CST1: variants seen among roughly 807,000 people sequenced by gnomAD.
CST1 encodes cystatin SN, also known as cystatin-SN.
A neutral mutation model predicts 10.7 loss-of-function variants in CST1; 19 were observed. The observed-to-expected ratio is 1.78, with a 90% CI of 1.24 to 2.61. CST1 has a LOEUF of 2.61. CST1 is among the 30% of genes most tolerant of loss of function. CST1 has a pLI of 0.00. For synonymous variants in CST1, 95 were observed against 72.8 expected, an observed-to-expected ratio of 1.31 and a Z score of -1.55; for missense variants, 247 against 178.1, an observed-to-expected ratio of 1.39 and a Z score of -2.20.
rs755882372 is a variant in CST1 at position 23,747,862 on chromosome 20, C to T, written c.380G>A (p.Trp127Ter). Residue 127 changes from tryptophan to a stop codon, truncating the protein, a stop_gained, in exon 3 of 3, where the codon TGG becomes TAG. Transcript: ENST00000304749. LOFTEE classifies it low-confidence loss of function (END_TRUNC). ...TTTCACCAGGGACCTTCTGTTCTCC[C>T]AGGGAACTTCGTAGATCTCGAAAGA... ...LCSFEIYEVP[W>*]ENRRSLVKSR... 1 of 1,614,016 alleles carries T rather than the reference C, an allele frequency of 6.2e-7. No individual in the cohort carries two copies. Among genetic ancestry groups the T allele is most frequent in the Non-Finnish European group, 8.5e-7 (1 of 1,179,918 alleles).
rs1266426990 is a variant in CST1 at position 23,747,683 on chromosome 20, C to G, written c.*133G>C. The G allele has an allele frequency of 6.5e-6, 5 of 772,178 alleles. No individual in the cohort carries two copies. The highest frequency in any genetic ancestry group is 2.7e-5 in the East Asian group (1 of 37,446). The allele number at this position is 772,178 out of a possible 1,614,324, so 47.8% of individuals were successfully genotyped here. The stretch of plus-strand genomic sequence containing the variant: ...GCTGAGCAACAAAGGACTCCTGCAG[C>G]CTTCTCTGTCTGTCTCTTGGCGCAG... On this transcript the variant is annotated 3_prime_UTR_variant, in exon 3 of 3. Coordinates refer to ENST00000304749, the MANE Select transcript of CST1 (RefSeq NM_001898.3).
In CST1 at chr20:23,749,280, G is replaced by T. The variant is rs117082322; in HGVS notation, c.229-151C>A. On this transcript the variant is annotated intron_variant, in intron 1 of 2. Transcript: ENST00000304749. ...ACAAGCCCCCTCTTCCTGTCAACTG[G>T]CAGGGTGCTGAGCCTCATACCCGCT... 166 of 790,976 alleles carry T rather than the reference G, an allele frequency of 2.1e-4. No individual in the cohort carries two copies. The East Asian group carries it at 4.1e-3, about 20-fold the overall frequency. The allele number at this position is 790,976 out of a possible 1,614,324, so 49.0% of individuals were successfully genotyped here.
rs781468557 is a variant in CST1, at chr20:23,749,125, A to G, written c.233T>C (p.Val78Ala). The change falls in exon 2 of 3, where the codon GTT becomes GCT. Residue 78 changes from valine to alanine, a missense_variant. Transcript: ENST00000304749. ...LRVLRARQQT[V>A]GGVNYFFDVE... ...GTCGAAGAAGTAATTCACCCCCCCA[A>G]CGGTCTGCACACAGGAGAAAACAGG... 10 of 1,613,586 alleles carry G rather than the reference A, an allele frequency of 6.2e-6. No individual in the cohort carries two copies. Among genetic ancestry groups the G allele is most frequent in the East Asian group, 4.5e-5 (2 of 44,856 alleles).
At chr20:23,748,684 A>G (rs574884246) in intron 2 of CST1, among the ~76,000 whole-genome samples, 3 of 152,242 alleles carry the variant, frequency 2.0e-5, no homozygotes, top group Non-Finnish European at 2.9e-5. Flanking sequence ...ACATACATGG[A>G]CAACTACGTA....
At chr20:23,748,210 A>G (rs4477985) in intron 2 of CST1, among the ~76,000 whole-genome samples, 107,185 of 151,964 alleles carry the variant, frequency 0.71, 38,130 homozygotes, top group East Asian at 0.81. Flanking sequence ...ATGGGGAGGC[A>G]GCTCAGTTCC....
chr20:23,748,216 G>A (rs1417322356), intron 2 of CST1, among the ~76,000 whole-genome samples: 2 of 152,060 alleles, frequency 1.3e-5, no homozygotes, highest in East Asian at 3.9e-4. Flanking sequence ...AGGCAGCTCA[G>A]TTCCCCCAGC....
intron 1 of CST1, among the ~76,000 whole-genome samples, chr20:23,749,374 G>A (rs527236830): frequency 2.0e-5 from 3 of 152,184 alleles, no homozygotes; most frequent in Non-Finnish European, 2.9e-5. Flanking sequence ...GCTCAGGGGC[G>A]AGGGAACACT....
At position 23,750,840 on chromosome 20, in the gene CST1, C is replaced by G. The variant is rs144543419; in HGVS notation, c.27G>C (p.Leu9=). 6.2e-7 allele frequency: 1 copy of G among 1,612,986 alleles called. No individual in the cohort carries two copies. The highest frequency in any genetic ancestry group is 8.5e-7 in the Non-Finnish European group (1 of 1,179,472). MAQYLSTL[L]LLLATLAVAL... ...CCACAGCTAGGGTGGCCAGCAGGAG[C>G]AGCAGGGTACTCAGATACTGGGCCA... is the stretch of plus-strand genomic sequence containing the variant. The change falls in exon 1 of 3, where the codon CTG becomes CTC. Residue 9 remains leucine (L), a synonymous_variant. Transcript: ENST00000304749.
At chr20:23,749,150 G>A (rs375967648) in intron 1 of CST1, 21 bp from the exon 2 acceptor site, 28 of 1,613,492 alleles carry the variant, frequency 1.7e-5, no homozygotes, top group Admixed American at 1.2e-4. Context: ...GAGAAAACAG[G>A]ACAGCGCCCC....
At chr20:23,748,745 A>AC (rs533911737) in intron 2 of CST1, among the ~76,000 whole-genome samples, 2 of 148,690 alleles carry the variant, frequency 1.3e-5, no homozygotes, top group African/African-American at 5.0e-5. Flanking sequence ...AGCCCCATAC[A>AC]CCCCCCACAC....
chr20:23,747,821 A>T lies in CST1; in HGVS notation c.421T>A (p.Ser141Thr). The change falls in exon 3 of 3, where the codon TCC becomes ACC. Residue 141 changes from serine to threonine, a missense_variant. Transcript: ENST00000304749. The stretch of plus-strand genomic sequence containing the variant: ...GAATGGCCTGGCACAGATCCCTAGG[A>T]TTCTTGACACCTGGATTTCACCAGG... ...RSLVKSRCQE[S>T] 1.2e-6 allele frequency: 2 copies of T among 1,613,830 alleles called. No individual in the cohort carries two copies. The highest frequency in any genetic ancestry group is 1.7e-6 in the Non-Finnish European group (2 of 1,179,772).
At chr20:23,748,120 C>T (rs963510535) in intron 2 of CST1, among the ~76,000 whole-genome samples, 8 of 152,110 alleles carry the variant, frequency 5.3e-5, no homozygotes, top group Non-Finnish European at 1.0e-4. Flanking sequence ...GACCCCACCC[C>T]AGCCTGCAGT....
At chr20:23,750,518 C>A (rs1271052794) in intron 1 of CST1, 121 bp downstream of exon 1, 5 of 937,628 alleles carry the variant, frequency 5.3e-6, no homozygotes, top group Non-Finnish European at 8.2e-6. Flanking sequence ...CCAGGGAAAG[C>A]TGAATGAATC....
intron 2 of CST1, among the ~76,000 whole-genome samples, chr20:23,748,300 C>T (rs1982725663): frequency 1.3e-5 from 2 of 152,112 alleles, no homozygotes; most frequent in Admixed American, 6.5e-5. Context: ...GCAACTCCCC[C>T]TCAAAGAGCT....
Position 23,748,750 on chromosome 20 carries a change from C to T in CST1, c.342+266G>A, listed in dbSNP as rs532326131. Reference sequence around the variant, plus strand: ...CTATGTACAAAGCCCCATACACCCCCCACACATCCATGCACAGGCACACAT... The same window carrying T: ...CTATGTACAAAGCCCCATACACCCCTCACACATCCATGCACAGGCACACAT... On this transcript the variant is annotated intron_variant, in intron 2 of 2. Coordinates refer to ENST00000304749, the MANE Select transcript of CST1 (RefSeq NM_001898.3). 2.6e-5 allele frequency among the ~76,000 whole-genome samples: 4 copies of T among 152,238 alleles called. No homozygotes were observed. The East Asian group carries it at 7.8e-4, about 30-fold the overall frequency.
At chr20:23,749,159 C>T (rs1019514872) in intron 1 of CST1, 30 bp from the exon 2 acceptor site, 1 of 1,610,346 alleles carries the variant, frequency 6.2e-7, no homozygotes, top group South Asian at 1.1e-5. Flanking sequence ...GGACAGCGCC[C>T]CCATCAGTTC....
chr20:23,748,965 C>T lies in CST1; in HGVS notation c.342+51G>A, dbSNP rs372192719. 8.4e-5 allele frequency: 134 copies of T among 1,599,780 alleles called. 1 individual carries two copies. The African/African-American group carries it at 1.4e-3, about 17-fold the overall frequency. On this transcript the variant is annotated intron_variant, in intron 2 of 2. Transcript: ENST00000304749. ...TGTGTAGGGCAGAGGCTGACACATACGCACCCCTCTGCAGTGCATGACTGG... is the reference window on the plus strand; with the variant it reads ...TGTGTAGGGCAGAGGCTGACACATATGCACCCCTCTGCAGTGCATGACTGG...
At chr20:23,748,110 G>A (rs1982718382) in intron 2 of CST1, among the ~76,000 whole-genome samples, 1 of 152,062 alleles carries the variant, frequency 6.6e-6, no homozygotes, top group African/African-American at 2.4e-5. Context: ...GTGGCATTGG[G>A]ACCCCACCCC....
At chr20:23,750,440 G>A (rs1040207800) in intron 1 of CST1, among the ~76,000 whole-genome samples, 199 bp downstream of exon 1, 2 of 152,248 alleles carry the variant, frequency 1.3e-5, no homozygotes, top group African/African-American at 4.8e-5. Flanking sequence ...GGCTGCTGCA[G>A]GTTAAAGGAA....
Sources: allele counts gnomAD v4.1 joint callset (sites outside exome capture counted in the v4.1 genomes callset), GRCh38; gene constraint gnomAD v4.1.1; transcripts MANE v1.5; gene names NCBI Gene and HGNC (gene_info 2026-07-23, HGNC 2026-07-21).